Variants in LGI1 observed in about 807,000 individuals in gnomAD.
LGI1 encodes leucine-rich glioma-inactivated protein 1.
In LGI1, 11 loss-of-function variants were observed where a neutral mutation model predicts 57.7. The observed-to-expected ratio is 0.19, with a 90% CI of 0.12 to 0.32. The LOEUF (loss-of-function observed/expected upper bound fraction) is 0.32. Ranked by LOEUF, LGI1 falls within the 10% of genes least tolerant of loss-of-function variation. The pLI, the probability that LGI1 is intolerant of heterozygous loss-of-function variation, is 1.00. For synonymous variants in LGI1, 222 were observed against 241.9 expected, an observed-to-expected ratio of 0.92 and a Z score of 0.76; for missense variants, 422 against 661.9, an observed-to-expected ratio of 0.64 and a Z score of 3.98.
intron 7 of LGI1, chr10:93,794,019 C>CTTTTTTTTTTTTT (rs5787082): frequency 2.3e-5 from 2 of 87,836 alleles, no homozygotes; most frequent in African/African-American, 8.1e-5. Flanking sequence ...CTTTTTTTTT[C>CTTTTTTTTTTTTT]TTTTTTTTTT....
intron 5 of LGI1, chr10:93,791,707 G>A (rs1406793095): frequency 6.6e-6 from 1 of 152,214 alleles, no homozygotes; most frequent in Non-Finnish European, 1.5e-5. Context: ...TGGAATTCCT[G>A]AACAGAAGCA....
In LGI1 at chr10:93,758,814, G is replaced by A. The variant is rs139862877; in HGVS notation, c.270G>A (p.Thr90=). 4.8e-5 allele frequency: 78 copies of A among 1,610,762 alleles called. No individual in the cohort carries two copies. The African/African-American group carries it at 5.6e-4, about 12-fold the overall frequency. ...TEISEGSFLF[T]PSLQLLLFTS... is the part of the protein sequence containing the mutation. ...TCTCAGAAGGGAGTTTTTTATTCAC[G>A]CCATCGCTGCAGCTCTTGTGAGAAA... Residue 90 remains threonine (T), a synonymous_variant, in exon 2 of 8, where the codon ACG becomes ACA. Coordinates refer to ENST00000371418, the MANE Select transcript of LGI1 (RefSeq NM_005097.4). The surrounding 1 kb of genome is among the most constrained non-coding windows in gnomAD (Gnocchi z 4.7).
chr10:93,774,120 C>G (rs533189285), intron 2 of LGI1, among the ~76,000 whole-genome samples: 4 of 152,200 alleles, frequency 2.6e-5, no homozygotes, highest in Non-Finnish European at 5.9e-5. Flanking sequence ...TCCAGGCAGA[C>G]TTGCTGCAAG....
chr10:93,766,512 C>CTTTTTTTTTTTTTTTT (rs71031537), intron 2 of LGI1, among the ~76,000 whole-genome samples: 3,926 of 84,320 alleles, frequency 0.047, 665 homozygotes, highest in African/African-American at 0.081. Context: ...TTATAGATCT[C>CTTTTTTTTTTTTTTTT]TTTTTTTTTT....
Position 93,797,501 on chromosome 10 carries a change from A to C in LGI1, c.1372A>C (p.Met458Leu), listed in dbSNP as rs1174417329. The C allele has an allele frequency of 6.2e-7, 1 of 1,614,236 alleles. No individual in the cohort carries two copies. Among genetic ancestry groups the C allele is most frequent in the East Asian group, 2.2e-5 (1 of 44,882 alleles). ...LTRFIGDSKVMKWGGSSFQDI... is the reference protein window; with the variant it reads ...LTRFIGDSKVLKWGGSSFQDI... ...AAGATTCATTGGTGATTCCAAAGTC[A>C]TGAAATGGGGAGGCTCCTCGTTCCA... is the stretch of plus-strand genomic sequence containing the variant. Residue 458 changes from methionine to leucine, a missense_variant, in exon 8 of 8, where the codon ATG becomes CTG. By Grantham distance (15) the Met-to-Leu change is conservative. Around this residue, in one of 3 missense-constraint regions of LGI1, gnomAD observed 301 missense variants for 461.7 expected, o/e 0.65. Transcript: ENST00000371418. The surrounding 1 kb of genome is among the most constrained non-coding windows in gnomAD (Gnocchi z 6.5).
At position 93,797,781 on chromosome 10, in the gene LGI1, T is replaced by A. The variant is rs752672428; in HGVS notation, c.1652T>A (p.Val551Asp). The A allele has an allele frequency of 1.9e-6, 3 of 1,602,692 alleles. No individual in the cohort carries two copies. Among genetic ancestry groups the A allele is most frequent in the Non-Finnish European group, 2.5e-6 (3 of 1,179,834 alleles). Residue 551 changes from valine to aspartate, a missense_variant, in exon 8 of 8, where the codon GTC becomes GAC. By Grantham distance (152) the Val-to-Asp change is radical. Transcript: ENST00000371418. The surrounding 1 kb of genome is among the most constrained non-coding windows in gnomAD (Gnocchi z 6.5). The stretch of plus-strand genomic sequence containing the variant: ...GGAAATACACAGATTTACAAACATG[T>A]CATAGTTGACTTAAGCGCATGAGAC... ...FKGNTQIYKH[V>D]IVDLSA
rs1234711616 is a variant in LGI1, at chr10:93,793,167, T to C, written c.674-19T>C. 1.3e-6 allele frequency: 2 copies of C among 1,594,008 alleles called. No individual in the cohort carries two copies. The highest frequency in any genetic ancestry group is 8.6e-7 in the Non-Finnish European group (1 of 1,166,078). ...AGAGGTATTAGCTCACAGTTACTTATTATTTCCTATTTTTGCAGAATTTGC... is the reference window on the plus strand; with the variant it reads ...AGAGGTATTAGCTCACAGTTACTTACTATTTCCTATTTTTGCAGAATTTGC... On this transcript the variant is annotated intron_variant, in intron 6 of 7. Coordinates refer to ENST00000371418, the MANE Select transcript of LGI1 (RefSeq NM_005097.4).
chr10:93,794,895 A>T (rs975686091), intron 7 of LGI1: 1 of 152,130 alleles, frequency 6.6e-6, no homozygotes, highest in Non-Finnish European at 1.5e-5. Flanking sequence ...CATTGCTCAA[A>T]GGACCAAGAC....
intron 5 of LGI1, chr10:93,790,776 G>A (rs532323595): frequency 6.6e-6 from 1 of 152,492 alleles, no homozygotes; most frequent in Non-Finnish European, 1.5e-5. Flanking sequence ...TTAAGCCTCC[G>A]AGTGAAAGAT....
At chr10:93,787,833 G>A (rs1462432414) in intron 4 of LGI1, among the ~76,000 whole-genome samples, 3 of 151,834 alleles carry the variant, frequency 2.0e-5, no homozygotes, top group African/African-American at 7.3e-5. Context: ...CTTGAGCCAG[G>A]GACGTTGAGG....
intron 2 of LGI1, chr10:93,775,877 C>T (rs183762025): frequency 6.6e-6 from 1 of 152,268 alleles, no homozygotes; most frequent in African/African-American, 2.4e-5. Context: ...TTCCTTATTC[C>T]ATTCTCTCCA....
intron 4 of LGI1, among the ~76,000 whole-genome samples, chr10:93,787,488 C>G (rs2059900485): frequency 6.6e-6 from 1 of 152,166 alleles, no homozygotes; most frequent in East Asian, 1.9e-4. Flanking sequence ...TTCTGGAAGC[C>G]CCATAGCTCC....
rs760376686 is a variant in LGI1, at chr10:93,793,329, C to T, written c.817C>T (p.Arg273Trp). The change falls in exon 7 of 8, where the codon CGG (arginine) becomes TGG (tryptophan). Residue 273 changes from arginine to tryptophan, a missense_variant. This residue lies in a region of LGI1 where 301 missense variants were observed against 461.7 expected (regional missense o/e 0.65). Transcript: ENST00000371418. The part of the protein sequence containing the change: ...LEWDHVEKTF[R>W]NYDNITGTST... The stretch of plus-strand genomic sequence containing the variant: ...ATGGGACCATGTGGAAAAGACCTTC[C>T]GGAATTATGACAACATTACAGGTAT... 25 of 1,613,622 alleles carry T rather than the reference C, an allele frequency of 1.5e-5. No individual in the cohort carries two copies. Among genetic ancestry groups the T allele is most frequent in the African/African-American group, 4.0e-5 (3 of 74,844 alleles).
chr10:93,766,102 G>T (rs1450664448), intron 2 of LGI1, among the ~76,000 whole-genome samples: 1 of 151,768 alleles, frequency 6.6e-6, no homozygotes, highest in Non-Finnish European at 1.5e-5. Context: ...TACAATAATT[G>T]TAGTTCCCAA....
At chr10:93,778,462 G>T (rs759498090) in intron 4 of LGI1, among the ~76,000 whole-genome samples, 7 of 151,924 alleles carry the variant, frequency 4.6e-5, no homozygotes, top group Non-Finnish European at 8.8e-5. Context: ...AACTAGAAGA[G>T]CATGGAAAGA....
rs138193428 is a variant in LGI1 at position 93,795,671 on chromosome 10, T to G, written c.839-1297T>G. On this transcript the variant is annotated intron_variant, in intron 7 of 7. Coordinates refer to ENST00000371418, the MANE Select transcript of LGI1 (RefSeq NM_005097.4). ...ACTAATCTATCATGGGAATCTTTCA[T>G]GTAGAGTGCAGACACGGCCACAGAA... 7.2e-4 allele frequency among the ~76,000 whole-genome samples: 109 copies of G among 152,314 alleles called. 1 individual carries two copies. Among genetic ancestry groups the G allele is most frequent in the African/African-American group, 2.5e-3 (106 of 41,572 alleles).
intron 2 of LGI1, among the ~76,000 whole-genome samples, chr10:93,765,919 G>A (rs905868626): frequency 2.0e-5 from 3 of 146,896 alleles, no homozygotes; most frequent in Non-Finnish European, 3.0e-5. Flanking sequence ...GCAGTGAGCC[G>A]AGATCGCGCC....
rs576623913 is a variant in LGI1 at position 93,758,984 on chromosome 10, C to T, written c.287+153C>T. Reference sequence around the variant, plus strand: ...AGTGAGAGGTAGATGGGTTTGTTTGCGACTTCACACCAACAGTGCAGGTTG... The same window carrying T: ...AGTGAGAGGTAGATGGGTTTGTTTGTGACTTCACACCAACAGTGCAGGTTG... On this transcript the variant is annotated intron_variant, in intron 2 of 7. Transcript: ENST00000371418. The surrounding 1 kb of genome is among the most constrained non-coding windows in gnomAD (Gnocchi z 4.7). The T allele has an allele frequency of 1.2e-5, 8 of 658,628 alleles. No homozygotes were observed. Among genetic ancestry groups the T allele is most frequent in the East Asian group, 2.7e-5 (1 of 36,688 alleles). 40.8% of individuals were successfully genotyped at this position (658,628 alleles called of 1,614,324 possible).
At chr10:93,777,322 G>C (rs2059803602) in intron 2 of LGI1, 57 bp from the exon 3 acceptor site, 1 of 1,499,346 alleles carries the variant, frequency 6.7e-7, no homozygotes, top group African/African-American at 1.4e-5. Context: ...GATAAAAGCA[G>C]CCAAGATTGA....
Sources: gnomAD v4.1 joint callset for allele counts (sites outside exome capture counted in the v4.1 genomes callset) on GRCh38, gnomAD v4.1.1 for gene constraint, gnomAD v4.1.1 regional missense constraint, Gnocchi (gnomAD v3.1) non-coding constraint, MANE v1.5 for transcripts, NCBI Gene and HGNC (gene_info 2026-07-23, HGNC 2026-07-21) for gene names.